The following CSMD1 variants were observed in gnomAD, a reference collection of about 807,000 sequenced individuals.
The protein encoded by CSMD1 is CUB and Sushi multiple domains 1.
Under a neutral mutation model 417.5 loss-of-function variants are expected in CSMD1, and 213 were observed. That is an observed-to-expected ratio of 0.51 (90% CI 0.46 to 0.57). The LOEUF is 0.57. Among genes scored for constraint, CSMD1 ranks in the 20% least tolerant of loss-of-function variants. CSMD1 has a pLI of 0.00. For synonymous variants in CSMD1, 2,862 were observed against 1,736.8 expected, an observed-to-expected ratio of 1.65 and a Z score of -16.11; for missense variants, 6,923 against 4,529.7, an observed-to-expected ratio of 1.53 and a Z score of -15.17.
chr8:4,575,477 T>A (rs985018997), intron 2 of CSMD1, among the ~76,000 whole-genome samples: 3 of 152,158 alleles, frequency 2.0e-5, no homozygotes, highest in Non-Finnish European at 4.4e-5. Context: ...GAACGTTATC[T>A]GAAGAAAAGG....
chr8:4,087,742 C>G (rs1162838897), intron 3 of CSMD1, among the ~76,000 whole-genome samples: 1 of 152,178 alleles, frequency 6.6e-6, no homozygotes, highest in African/African-American at 2.4e-5. Flanking sequence ...TCTTCTGTCT[C>G]TCCCGTTCTC....
chr8:2,938,380 G>C lies in CSMD1; in HGVS notation c.*205C>G, dbSNP rs1788492991. ...GCCAGGCATTTAGAACCCACTTTTG[G>C]AATGAAAACGCATGTGTAGTTTGAT... is the stretch of plus-strand genomic sequence containing the variant. On this transcript the variant is annotated 3_prime_UTR_variant, in exon 70 of 70. Coordinates refer to ENST00000635120, the MANE Select transcript of CSMD1 (RefSeq NM_033225.6). The C allele has an allele frequency of 4.1e-6, 2 of 488,242 alleles. No individual in the cohort carries two copies. The highest frequency in any genetic ancestry group is 2.0e-5 in the African/African-American group (1 of 50,886). 30.2% of individuals were successfully genotyped at this position (488,242 alleles called of 1,614,324 possible).
At chr8:4,375,050 C>G (rs896881637) in intron 3 of CSMD1, among the ~76,000 whole-genome samples, 23 of 149,560 alleles carry the variant, frequency 1.5e-4, no homozygotes, top group African/African-American at 4.2e-4. Flanking sequence ...GATTAAGAGG[C>G]TGTTATAGGT....
chr8:4,645,311 G>C (rs987693470), intron 1 of CSMD1, among the ~76,000 whole-genome samples: 1 of 151,908 alleles, frequency 6.6e-6, no homozygotes, highest in Non-Finnish European at 1.5e-5. Context: ...CCCAGGGGAG[G>C]CAGCTTTAGT....
intron 2 of CSMD1, among the ~76,000 whole-genome samples, chr8:4,548,721 G>T (rs1017507492): frequency 6.6e-6 from 1 of 152,032 alleles, no homozygotes; most frequent in Non-Finnish European, 1.5e-5. Flanking sequence ...CTGATCTCCA[G>T]TTGTCAAGGT....
chr8:3,098,888 AT>A lies in CSMD1; in HGVS notation c.6950-1852del, dbSNP rs35005765. Among the ~76,000 whole-genome samples, 1,010 of 146,318 alleles carry A rather than the reference AT, an allele frequency of 6.9e-3. 7 individuals carry two copies. Among genetic ancestry groups the A allele is most frequent in the Non-Finnish European group, 8.2e-3 (541 of 66,076 alleles). ...GTTTTAATTAGAGCCAATATACACAATTTTTTTTTTTTTAAATCTAAAGCAC... is the reference window on the plus strand; with the variant it reads ...GTTTTAATTAGAGCCAATATACACAATTTTTTTTTTTTAAATCTAAAGCAC... On this transcript the variant is annotated intron_variant, in intron 46 of 69. Transcript: ENST00000635120.
chr8:4,148,837 G>C (rs909197929), intron 3 of CSMD1, among the ~76,000 whole-genome samples: 5 of 152,254 alleles, frequency 3.3e-5, no homozygotes, highest in African/African-American at 9.6e-5. Flanking sequence ...TGCTGCCTTT[G>C]GCTTGTGTCC....
intron 37 of CSMD1, among the ~76,000 whole-genome samples, chr8:3,165,571 A>T (rs866485995): frequency 6.6e-6 from 1 of 152,148 alleles, no homozygotes; most frequent in South Asian, 2.1e-4. Context: ...AGCTGGGACT[A>T]CAGGTGCCCG....
chr8:3,216,335 A>G (rs1295171533), intron 29 of CSMD1, among the ~76,000 whole-genome samples: 1 of 152,172 alleles, frequency 6.6e-6, no homozygotes, highest in Non-Finnish European at 1.5e-5. Context: ...ATTTTATTTA[A>G]TCATTCAACA....
At chr8:3,316,662 G>C (rs139086238) in intron 23 of CSMD1, among the ~76,000 whole-genome samples, 189 of 152,218 alleles carry the variant, frequency 1.2e-3, no homozygotes, top group Non-Finnish European at 2.1e-3. Context: ...ATTTGTATAT[G>C]CTGATGCTTC....
intron 1 of CSMD1, among the ~76,000 whole-genome samples, chr8:4,731,851 C>T (rs1472326221): frequency 6.6e-6 from 1 of 152,166 alleles, no homozygotes; most frequent in African/African-American, 2.4e-5. Context: ...TGTCTTCTCA[C>T]ATGGGCTTTA....
At chr8:3,714,462 T>A (rs534070838) in intron 6 of CSMD1, among the ~76,000 whole-genome samples, 1 of 149,080 alleles carries the variant, frequency 6.7e-6, no homozygotes, top group Non-Finnish European at 1.5e-5. Flanking sequence ...GTGGTTCACA[T>A]CTGTAATCCC....
At chr8:4,034,497 T>A (rs1317196050) in intron 3 of CSMD1, among the ~76,000 whole-genome samples, 1 of 152,182 alleles carries the variant, frequency 6.6e-6, no homozygotes, top group Non-Finnish European at 1.5e-5. Context: ...AAAGCAAACA[T>A]GTGTGCTGTT....
rs1554506077 is a variant in CSMD1 at position 3,300,986 on chromosome 8, A to AAG, written c.3950+6707_3950+6708dup. Among the ~76,000 whole-genome samples the AAG allele has an allele frequency of 5.2e-3, 754 of 144,778 alleles. 6 individuals are homozygous for AAG. Among genetic ancestry groups the AAG allele is most frequent in the South Asian group, 0.022 (95 of 4,410 alleles). 95.0% of individuals were successfully genotyped at this position (144,778 alleles called of 152,430 possible). A position where few individuals can be genotyped will look rare whatever the true frequency, so the allele number is the denominator to read the frequency against. Reference sequence around the variant, plus strand: ...AAAAAAAAAAAAAAAAAAAAAGAGAAAGAAAAATTAGAAATGGTATAAACA... The same window carrying AAG: ...AAAAAAAAAAAAAAAAAAAAAGAGAAAGAGAAAAATTAGAAATGGTATAAACA... On this transcript the variant is annotated intron_variant, in intron 25 of 69. Coordinates refer to ENST00000635120, the MANE Select transcript of CSMD1 (RefSeq NM_033225.6).
intron 10 of CSMD1, among the ~76,000 whole-genome samples, chr8:3,507,675 T>C (rs968767219): frequency 3.9e-5 from 6 of 152,232 alleles, no homozygotes; most frequent in African/African-American, 1.2e-4. Flanking sequence ...TGTTGTTTCC[T>C]GACTTTTTAA....
At chr8:3,850,100 G>A (rs1173904044) in intron 5 of CSMD1, among the ~76,000 whole-genome samples, 5 of 152,198 alleles carry the variant, frequency 3.3e-5, no homozygotes, top group Non-Finnish European at 7.3e-5. Flanking sequence ...CCAGCAAAGA[G>A]TATATCTTTT....
intron 10 of CSMD1, among the ~76,000 whole-genome samples, chr8:3,514,772 C>T (rs1177217418): frequency 6.6e-6 from 1 of 152,072 alleles, no homozygotes; most frequent in Non-Finnish European, 1.5e-5. Flanking sequence ...TTATACTGCA[C>T]ATGATCCTTT....
intron 2 of CSMD1, among the ~76,000 whole-genome samples, chr8:4,634,983 G>A (rs978286173): frequency 1.3e-5 from 2 of 152,096 alleles, no homozygotes; most frequent in East Asian, 3.9e-4. Flanking sequence ...TCCTCAAAAT[G>A]GCATTCTACG....
chr8:4,554,230 G>A (rs956086027), intron 2 of CSMD1, among the ~76,000 whole-genome samples: 6 of 152,102 alleles, frequency 3.9e-5, no homozygotes, highest in African/African-American at 9.7e-5. Context: ...TATGCTTCCC[G>A]GGTTCAAGTG....
Sources: allele counts gnomAD v4.1 joint callset (sites outside exome capture counted in the v4.1 genomes callset), GRCh38; gene constraint gnomAD v4.1.1; transcripts MANE v1.5; gene names NCBI Gene and HGNC (gene_info 2026-07-23, HGNC 2026-07-21).